CYFIP2: variants seen among roughly 807,000 people sequenced by gnomAD.
CYFIP2 encodes the protein cytoplasmic FMR1 interacting protein 2.
Under a neutral mutation model 158.7 loss-of-function variants are expected in CYFIP2, and 29 were observed. The ratio of observed to expected loss-of-function variants is 0.18; its 90% CI spans 0.14 to 0.25. The LOEUF is 0.25. Ranked by LOEUF, CYFIP2 falls within the 10% of genes least tolerant of loss-of-function variation. The pLI is 1.00. For synonymous variants in CYFIP2, 585 were observed against 617.6 expected (o/e 0.95, Z 0.78); for missense variants, 852 against 1,639.5 (o/e 0.52, Z 8.29).
At chr5:157,377,516 C>T (rs1765601214) in intron 26 of CYFIP2, among the ~76,000 whole-genome samples, 1 of 152,154 alleles carries the variant, frequency 6.6e-6, no homozygotes, top group African/African-American at 2.4e-5. Flanking sequence ...CAGGCATACC[C>T]CAATTGTAGC....
At position 157,392,827 on chromosome 5, in the gene CYFIP2, C is replaced by CT; in HGVS notation, c.3595-5dup. 6.2e-7 allele frequency: 1 copy of CT among 1,613,618 alleles called. No homozygotes were observed. Reference sequence around the variant, plus strand: ...CCCTAACTTGAACATCCCCTTCCTTCTGTAGCCCCTGAAGAAGATGGCCGA... The same window carrying CT: ...CCCTAACTTGAACATCCCCTTCCTTCTTGTAGCCCCTGAAGAAGATGGCCGA... On this transcript the variant is annotated splice_region_variant and splice_polypyrimidine_tract_variant and intron_variant, in intron 30 of 30. Transcript: ENST00000620254.
intron 13 of CYFIP2, among the ~76,000 whole-genome samples, chr5:157,317,281 A>C (rs1173312317): frequency 6.6e-6 from 1 of 152,154 alleles, no homozygotes; most frequent in African/African-American, 2.4e-5. Context: ...AAACATGTTT[A>C]AAAAAATTAA....
In CYFIP2 at chr5:157,359,296, C is replaced by T. The variant is rs990414133; in HGVS notation, c.2817+148C>T. The T allele has an allele frequency of 6.3e-6, 5 of 799,112 alleles. No individual in the cohort carries two copies. In the African/African-American group the frequency reaches 7.0e-5, roughly 11 times the overall value. The allele number at this position is 799,112 out of a possible 1,614,324, so 49.5% of individuals were successfully genotyped here. A position where few individuals can be genotyped will look rare whatever the true frequency, so the allele number is the denominator to read the frequency against. On this transcript the variant is annotated intron_variant, in intron 24 of 30. Transcript: ENST00000620254. ...AAACCACTCAAGGAGTTCCCTTGCC[C>T]ATATCCCTGGATTGGTCTTACCTAT...
intron 26 of CYFIP2, among the ~76,000 whole-genome samples, chr5:157,373,783 C>T (rs1484448149): frequency 6.6e-6 from 1 of 152,138 alleles, no homozygotes; most frequent in Non-Finnish European, 1.5e-5. Flanking sequence ...CTGGGCAGTT[C>T]AAACTCTGGA....
chr5:157,361,620 A>T lies in CYFIP2; in HGVS notation c.3039+22A>T. The T allele has an allele frequency of 6.2e-7, 1 of 1,613,576 alleles. No homozygotes were observed. The highest frequency in any genetic ancestry group is 8.5e-7 in the Non-Finnish European group (1 of 1,179,664). ...TCTGGTAAGTCCAGAGCCCAAAGGA[A>T]GTGGGGTGTCTCCAGGTTGGAGGGG... On this transcript the variant is annotated intron_variant, in intron 26 of 30. Transcript: ENST00000620254. This position sits in a 1 kb window ranked among gnomAD's most constrained non-coding sequence, Gnocchi z 4.4.
At chr5:157,280,155 T>C (rs1016440535) in intron 1 of CYFIP2, among the ~76,000 whole-genome samples, 5 of 152,200 alleles carry the variant, frequency 3.3e-5, no homozygotes, top group South Asian at 2.1e-4. Context: ...GGTACTATTA[T>C]GCTACAGAGG....
At chr5:157,269,928 G>A (rs1755943493) in intron 1 of CYFIP2, among the ~76,000 whole-genome samples, 1 of 152,214 alleles carries the variant, frequency 6.6e-6, no homozygotes, top group Admixed American at 6.5e-5. Flanking sequence ...GCTAAGGGCT[G>A]TGTGTGATGT....
At chr5:157,354,037 T>A (rs1156393701) in intron 23 of CYFIP2, among the ~76,000 whole-genome samples, 1 of 152,202 alleles carries the variant, frequency 6.6e-6, no homozygotes, top group Non-Finnish European at 1.5e-5. Flanking sequence ...TGCCACAACA[T>A]TTTAAAGTTC....
chr5:157,317,054 T>A (rs1037664062), intron 13 of CYFIP2, among the ~76,000 whole-genome samples: 9 of 152,154 alleles, frequency 5.9e-5, no homozygotes, highest in African/African-American at 1.7e-4. Context: ...TAAATGCAAC[T>A]TTATAAAACT....
rs1237565896 is a variant in CYFIP2 at position 157,311,094 on chromosome 5, A to G, written c.993-570A>G. The G allele has an allele frequency of 1.5e-5, 5 of 343,534 alleles. No individual in the cohort carries two copies. The highest frequency in any genetic ancestry group is 9.1e-5 in the South Asian group (5 of 55,072). The allele number at this position is 343,534 out of a possible 1,614,324, so 21.3% of individuals were successfully genotyped here. The stretch of plus-strand genomic sequence containing the variant: ...GGAAAGAGAAGGAGAGAAGGGGGCG[A>G]GAGGTAGAGGGGGTGGGTGGAGGGA... On this transcript the variant is annotated intron_variant, in intron 10 of 30. Transcript: ENST00000620254. The surrounding 1 kb of genome is among the most constrained non-coding windows in gnomAD (Gnocchi z 4.7).
At chr5:157,324,277 T>A (rs1760837768) in intron 16 of CYFIP2, among the ~76,000 whole-genome samples, 1 of 152,248 alleles carries the variant, frequency 6.6e-6, no homozygotes, top group Non-Finnish European at 1.5e-5. Flanking sequence ...CTGTTCTGAC[T>A]TAGCTAAATT....
intron 11 of CYFIP2, among the ~76,000 whole-genome samples, chr5:157,312,345 G>A (rs759552228): frequency 8.0e-5 from 12 of 149,416 alleles, no homozygotes; most frequent in East Asian, 1.9e-4. Context: ...TTTTAATGGA[G>A]ACATGATCAG....
chr5:157,328,886 TC>T (rs1376526098), intron 19 of CYFIP2, among the ~76,000 whole-genome samples: 2 of 152,208 alleles, frequency 1.3e-5, no homozygotes, highest in Non-Finnish European at 2.9e-5. Context: ...ATATGTTGAT[TC>T]AGACCCTCGT....
At chr5:157,387,808 C>T (rs181820261) in intron 28 of CYFIP2, among the ~76,000 whole-genome samples, 6 of 152,120 alleles carry the variant, frequency 3.9e-5, no homozygotes, top group Non-Finnish European at 8.8e-5. Flanking sequence ...CCCTCTCCTT[C>T]GTGTTTAAAA....
At chr5:157,268,557 T>C (rs1438680881) in intron 1 of CYFIP2, among the ~76,000 whole-genome samples, 1 of 152,204 alleles carries the variant, frequency 6.6e-6, no homozygotes, top group East Asian at 1.9e-4. Flanking sequence ...TGGAAAACAG[T>C]ACGGGTCCCA....
At chr5:157,301,992 G>C (rs1486259242) in intron 6 of CYFIP2, among the ~76,000 whole-genome samples, 1 of 152,128 alleles carries the variant, frequency 6.6e-6, no homozygotes, top group Non-Finnish European at 1.5e-5. Flanking sequence ...TGTCCAGCAG[G>C]CTGGGCCCCA....
At chr5:157,360,465 G>GCTCAC in intron 25 of CYFIP2, 93 bp downstream of exon 25, 4 of 1,062,438 alleles carry the variant, frequency 3.8e-6, no homozygotes, top group East Asian at 2.4e-5. Flanking sequence ...TAACATGCCA[G>GCTCAC]TGAGCTGGCA....
chr5:157,380,991 G>C (rs1463306869), intron 26 of CYFIP2, among the ~76,000 whole-genome samples: 1 of 152,224 alleles, frequency 6.6e-6, no homozygotes, highest in Non-Finnish European at 1.5e-5. Flanking sequence ...AAGGCAGGCA[G>C]ATCACCTGAG....
chr5:157,315,948 G>A (rs986306215), intron 13 of CYFIP2, among the ~76,000 whole-genome samples: 2 of 152,118 alleles, frequency 1.3e-5, no homozygotes, highest in African/African-American at 2.4e-5. Context: ...AATTTAGCCA[G>A]GCATAGTGGT....
Sources: allele counts gnomAD v4.1 joint callset (sites outside exome capture counted in the v4.1 genomes callset), GRCh38; gene constraint gnomAD v4.1.1; non-coding constraint Gnocchi (gnomAD v3.1); transcripts MANE v1.5; gene names NCBI Gene and HGNC (gene_info 2026-07-23, HGNC 2026-07-21).